The following KYNU variants were observed in gnomAD, a reference collection of about 807,000 sequenced individuals.
KYNU encodes L-kynurenine hydrolase.
A neutral mutation model predicts 59.2 loss-of-function variants in KYNU; 54 were observed. That is an observed-to-expected ratio of 0.91 (90% CI 0.73 to 1.14). The LOEUF is 1.14. Ranked by LOEUF, KYNU falls within the 50% of genes most tolerant of loss-of-function variation. The pLI is 0.00. For synonymous variants in KYNU, 177 were observed against 192.0 expected, an observed-to-expected ratio of 0.92 and a Z score of 0.65; for missense variants, 567 against 554.4, an observed-to-expected ratio of 1.02 and a Z score of -0.23.
At chr2:142,894,619 T>A (rs1681810444) in intron 2 of KYNU, among the ~76,000 whole-genome samples, 1 of 152,164 alleles carries the variant, frequency 6.6e-6, no homozygotes, top group Non-Finnish European at 1.5e-5. Context: ...AGTTTTTCTG[T>A]AGCCAGTATG....
intron 8 of KYNU, among the ~76,000 whole-genome samples, chr2:142,974,070 A>G (rs2105132171): frequency 6.6e-6 from 1 of 152,356 alleles, no homozygotes; most frequent in East Asian, 1.9e-4. Flanking sequence ...CAGATAGTTC[A>G]GAGCATTCAT....
chr2:143,049,980 C>T lies in KYNU; in HGVS notation c.*7808C>T, dbSNP rs1371554659. 1 of 148,808 alleles carries T rather than the reference C, an allele frequency of 6.7e-6. No individual in the cohort carries two copies. The highest frequency in any genetic ancestry group is 1.5e-5 in the Non-Finnish European group (1 of 67,388). 9.2% of individuals were successfully genotyped at this position (148,808 alleles called of 1,614,324 possible). A position where few individuals can be genotyped will look rare whatever the true frequency, so the allele number is the denominator to read the frequency against. On this transcript the variant is annotated 3_prime_UTR_variant, in exon 14 of 14. Coordinates refer to ENST00000264170, the MANE Select transcript of KYNU (RefSeq NM_003937.3). ...TAAATTCTTGTTTTCGGTTTTTTTC[C>T]AATCACATAAGTAGGATTTACCTGA...
At chr2:142,910,301 T>G (rs1286411383) in intron 2 of KYNU, among the ~76,000 whole-genome samples, 1 of 151,914 alleles carries the variant, frequency 6.6e-6, no homozygotes, top group Non-Finnish European at 1.5e-5. Flanking sequence ...CAAACCTGGC[T>G]AATTTTTTGT....
intron 2 of KYNU, among the ~76,000 whole-genome samples, chr2:142,904,864 C>T (rs1460505016): frequency 6.6e-6 from 1 of 152,122 alleles, no homozygotes; most frequent in African/African-American, 2.4e-5. Flanking sequence ...CCTTTTCCCG[C>T]CTTTCTTGAC....
chr2:142,966,878 G>A (rs1366651730), intron 8 of KYNU, among the ~76,000 whole-genome samples: 2 of 151,618 alleles, frequency 1.3e-5, no homozygotes, highest in East Asian at 3.9e-4. Context: ...CAGGCTTGTT[G>A]GAAAAAGAAA....
chr2:142,975,206 G>A (rs1004306707), intron 8 of KYNU, among the ~76,000 whole-genome samples: 1 of 152,098 alleles, frequency 6.6e-6, no homozygotes, highest in Admixed American at 6.5e-5. Flanking sequence ...AAACTCCTCT[G>A]GCAGAGGAGC....
At chr2:143,023,015 G>T (rs1327251054) in intron 10 of KYNU, among the ~76,000 whole-genome samples, 2 of 151,632 alleles carry the variant, frequency 1.3e-5, no homozygotes, top group Non-Finnish European at 3.0e-5. Flanking sequence ...CTTTATTTTA[G>T]ATTTGTTTCA....
chr2:143,000,760 T>C (rs1685687412), intron 10 of KYNU, among the ~76,000 whole-genome samples: 1 of 152,184 alleles, frequency 6.6e-6, no homozygotes, highest in African/African-American at 2.4e-5. Flanking sequence ...GCAGGTAGTT[T>C]CAGCAGCTGG....
Position 143,053,838 on chromosome 2 carries a change from A to C in KYNU, c.*11666A>C, listed in dbSNP as rs1162710239. 2 of 152,268 alleles carry C rather than the reference A, an allele frequency of 1.3e-5. No individual in the cohort carries two copies. The highest frequency in any genetic ancestry group is 4.8e-5 in the African/African-American group (2 of 41,460). 9.4% of individuals were successfully genotyped at this position (152,268 alleles called of 1,614,324 possible). On this transcript the variant is annotated 3_prime_UTR_variant, in exon 14 of 14. Transcript: ENST00000264170. ...TATACTAATTTATAGCTAGTAGGTA[A>C]AAAGCCAGGGACTTGCCATTAGCGT...
chr2:142,936,212 C>T (rs1458266097), intron 4 of KYNU, among the ~76,000 whole-genome samples: 1 of 152,136 alleles, frequency 6.6e-6, no homozygotes, highest in Non-Finnish European at 1.5e-5. Context: ...GCAAAAAACG[C>T]CTGGACATAC....
intron 8 of KYNU, among the ~76,000 whole-genome samples, chr2:142,980,908 A>G (rs777596951): frequency 1.3e-5 from 2 of 152,172 alleles, no homozygotes; most frequent in African/African-American, 4.8e-5. Context: ...GAGGCAAAAC[A>G]ATGAAAATAA....
At chr2:143,017,596 G>A (rs929402292) in intron 10 of KYNU, among the ~76,000 whole-genome samples, 10 of 151,794 alleles carry the variant, frequency 6.6e-5, no homozygotes, top group Admixed American at 2.6e-4. Flanking sequence ...GCACCATCAC[G>A]CCCAGCTAAT....
At chr2:142,959,454 C>T (rs1474868750) in intron 7 of KYNU, among the ~76,000 whole-genome samples, 1 of 152,020 alleles carries the variant, frequency 6.6e-6, no homozygotes, top group African/African-American at 2.4e-5. Flanking sequence ...GATGTGGTGG[C>T]ACATGCCTGT....
At chr2:142,959,569 A>G (rs1384663283) in intron 7 of KYNU, among the ~76,000 whole-genome samples, 1 of 151,970 alleles carries the variant, frequency 6.6e-6, no homozygotes, top group Non-Finnish European at 1.5e-5. Flanking sequence ...CTGGGCAACA[A>G]GAGTGAAGCT....
At chr2:142,947,187 G>C (rs1484779266) in intron 4 of KYNU, 2 of 1,550,908 alleles carry the variant, frequency 1.3e-6, no homozygotes, top group Non-Finnish European at 1.7e-6. Context: ...TGCTAACGCA[G>C]ACACCTCTGA....
chr2:142,880,243 AAT>A (rs1378389891), intron 1 of KYNU, among the ~76,000 whole-genome samples: 1 of 152,186 alleles, frequency 6.6e-6, no homozygotes, highest in Non-Finnish European at 1.5e-5. Flanking sequence ...TACCATCAGT[AAT>A]ATGTTTGTAG....
intron 6 of KYNU, among the ~76,000 whole-genome samples, 197 bp from the exon 7 acceptor site, chr2:142,957,444 C>A (rs541981689): frequency 5.3e-4 from 80 of 152,236 alleles, no homozygotes; most frequent in African/African-American, 1.7e-3. Context: ...TTTCATCTAT[C>A]TCAAAGAATG....
At chr2:142,926,078 A>G (rs1683037620) in intron 3 of KYNU, among the ~76,000 whole-genome samples, 1 of 152,164 alleles carries the variant, frequency 6.6e-6, no homozygotes, top group East Asian at 1.9e-4. Flanking sequence ...GGAGTTGAAC[A>G]ATGAGAACAC....
intron 10 of KYNU, among the ~76,000 whole-genome samples, chr2:142,987,505 C>A (rs541751702): frequency 6.6e-6 from 1 of 151,994 alleles, no homozygotes; most frequent in Non-Finnish European, 1.5e-5. Context: ...ATCTTCTAGA[C>A]AATGTTTAAA....
Sources: gnomAD v4.1 joint callset for allele counts (sites outside exome capture counted in the v4.1 genomes callset) on GRCh38, gnomAD v4.1.1 for gene constraint, MANE v1.5 for transcripts, NCBI Gene and HGNC (gene_info 2026-07-23, HGNC 2026-07-21) for gene names.